PARN: variants seen among roughly 807,000 people sequenced by gnomAD.
PARN encodes the protein poly(A)-specific ribonuclease, also known as poly(A)-specific ribonuclease PARN.
In PARN, 71 loss-of-function variants were observed where a neutral mutation model predicts 102.8. The ratio of observed to expected loss-of-function variants is 0.69; its 90% confidence interval spans 0.57 to 0.84. PARN has a LOEUF of 0.84. Among genes scored for constraint, PARN ranks in the 40% least tolerant of loss-of-function variants. The pLI is 0.00. For missense variants in PARN, 782 were observed against 760.9 expected (o/e 1.03, Z -0.33); for synonymous variants, 261 against 252.9 (o/e 1.03, Z -0.30).
chr16:14,564,280 A>T (rs1482506805), intron 18 of PARN, among the ~76,000 whole-genome samples: 1 of 152,186 alleles, frequency 6.6e-6, no homozygotes, highest in Non-Finnish European at 1.5e-5. Flanking sequence ...TCCCAGAAAC[A>T]TTTTTTTATA....
intron 18 of PARN, among the ~76,000 whole-genome samples, chr16:14,575,903 G>A (rs1276702760): frequency 6.6e-6 from 1 of 152,166 alleles, no homozygotes; most frequent in Non-Finnish European, 1.5e-5. Flanking sequence ...GGTCTTTCCT[G>A]CACTGTTCTC....
chr16:14,540,106 G>A (rs913536835), intron 21 of PARN, among the ~76,000 whole-genome samples: 1 of 152,104 alleles, frequency 6.6e-6, no homozygotes, highest in Non-Finnish European at 1.5e-5. Context: ...GATACCAAGG[G>A]ACAACTGAAC....
At chr16:14,480,103 C>A (rs1335592897) in intron 22 of PARN, among the ~76,000 whole-genome samples, 3 of 151,982 alleles carry the variant, frequency 2.0e-5, no homozygotes, top group Non-Finnish European at 2.9e-5. Flanking sequence ...GAGGCCGAGG[C>A]TGCCGGATCA....
chr16:14,466,449 T>C (rs1962360700), intron 22 of PARN, among the ~76,000 whole-genome samples: 1 of 152,218 alleles, frequency 6.6e-6, no homozygotes, highest in Admixed American at 6.5e-5. Flanking sequence ...TCAGCTCTGT[T>C]ACGATTTGGC....
At chr16:14,619,868 G>A (rs1284951954) in intron 5 of PARN, among the ~76,000 whole-genome samples, 8 of 151,256 alleles carry the variant, frequency 5.3e-5, no homozygotes, top group African/African-American at 1.2e-4. Flanking sequence ...TCAGGAGTTC[G>A]AGACCCGCCT....
intron 18 of PARN, among the ~76,000 whole-genome samples, chr16:14,573,574 G>A (rs889571414): frequency 1.1e-4 from 17 of 152,122 alleles, no homozygotes; most frequent in African/African-American, 4.1e-4. Flanking sequence ...TTATAACCTC[G>A]ACGGAAGATG....
At chr16:14,458,023 C>T (rs761443565) in intron 22 of PARN, among the ~76,000 whole-genome samples, 6 of 151,200 alleles carry the variant, frequency 4.0e-5, no homozygotes, top group Non-Finnish European at 5.9e-5. Flanking sequence ...CTTGTGAATA[C>T]GAGGCTTAAG....
At chr16:14,606,659 G>A in intron 9 of PARN, 133 bp from the exon 10 acceptor site, 2 of 495,650 alleles carry the variant, frequency 4.0e-6, no homozygotes, top group East Asian at 3.2e-5. Context: ...CTACAATGGA[G>A]ACTTTACAGC....
chr16:14,446,870 G>A lies in PARN; in HGVS notation c.1864+18C>T, dbSNP rs779724435. The stretch of plus-strand genomic sequence containing the variant: ...AATAGTCCACGGCCCCAGAACTTCG[G>A]CAAGATCCAATACAAACCTGCTGGA... On this transcript the variant is annotated intron_variant, in intron 23 of 23. Coordinates refer to ENST00000437198, the MANE Select transcript of PARN (RefSeq NM_002582.4). 2 of 1,589,992 alleles carry A rather than the reference G, an allele frequency of 1.3e-6. No homozygotes were observed. Among genetic ancestry groups the A allele is most frequent in the East Asian group, 2.3e-5 (1 of 44,384 alleles).
In PARN at chr16:14,627,219, G is replaced by A. The variant is rs747849113; in HGVS notation, c.246-32C>T. 5.1e-6 allele frequency: 8 copies of A among 1,562,870 alleles called. No homozygotes were observed. The South Asian group carries it at 9.1e-5, about 18-fold the overall frequency. On this transcript the variant is annotated intron_variant, in intron 4 of 23. Transcript: ENST00000437198. Reference sequence around the variant, plus strand: ...TAAGATAAAAGGAGACTTAGGAGGTGACATTGTGCCACAAAAACGGAATTC... The same window carrying A: ...TAAGATAAAAGGAGACTTAGGAGGTAACATTGTGCCACAAAAACGGAATTC...
Position 14,584,437 on chromosome 16 carries a change from G to A in PARN, c.1006-15C>T, listed in dbSNP as rs775075978. 1.2e-6 allele frequency: 2 copies of A among 1,604,662 alleles called. No homozygotes were observed. The highest frequency in any genetic ancestry group is 1.7e-5 in the Admixed American group (1 of 59,844). The stretch of plus-strand genomic sequence containing the variant: ...TTAATGATATCCTGCAAACCACGAA[G>A]CAAAGAATTATGAGATTTCATCATC... On this transcript the variant is annotated splice_polypyrimidine_tract_variant and intron_variant, in intron 15 of 23. Transcript: ENST00000437198.
intron 18 of PARN, among the ~76,000 whole-genome samples, chr16:14,574,988 AGGCCTT>A (rs918869285): frequency 3.9e-5 from 6 of 152,204 alleles, no homozygotes; most frequent in Admixed American, 6.5e-5. Flanking sequence ...TGGAAGCCCT[AGGCCTT>A]GGCAACTTCC....
intron 21 of PARN, among the ~76,000 whole-genome samples, chr16:14,518,213 A>C (rs1004083575): frequency 2.4e-4 from 35 of 147,438 alleles, no homozygotes; most frequent in African/African-American, 8.7e-4. Context: ...TACTTCATAT[A>C]CCCAGGAGGT....
At chr16:14,459,483 G>T (rs891093684) in intron 22 of PARN, among the ~76,000 whole-genome samples, 1 of 152,192 alleles carries the variant, frequency 6.6e-6, no homozygotes, top group Non-Finnish European at 1.5e-5. Flanking sequence ...TTTGCATGCT[G>T]AAAACTATAA....
At chr16:14,537,559 A>G (rs1201712467) in intron 21 of PARN, among the ~76,000 whole-genome samples, 15 of 152,234 alleles carry the variant, frequency 9.9e-5, no homozygotes, top group Non-Finnish European at 1.5e-5. Flanking sequence ...ATGAGTGGAT[A>G]AAGAAAATGT....
intron 22 of PARN, among the ~76,000 whole-genome samples, chr16:14,464,190 G>A (rs1596458091): frequency 6.6e-6 from 1 of 152,050 alleles, no homozygotes. Context: ...AATCCAAGAA[G>A]CTCAGTAAAT....
chr16:14,609,667 C>T (rs1388969584), intron 7 of PARN, among the ~76,000 whole-genome samples: 1 of 152,202 alleles, frequency 6.6e-6, no homozygotes, highest in Non-Finnish European at 1.5e-5. Flanking sequence ...TTCTCAAGGA[C>T]TCGTCAATAC....
chr16:14,617,933 C>T (rs1040101227), intron 5 of PARN, among the ~76,000 whole-genome samples: 5 of 152,162 alleles, frequency 3.3e-5, no homozygotes, highest in Admixed American at 6.5e-5. Context: ...TCTCAAACTT[C>T]CGGACTCAAG....
chr16:14,585,722 G>C (rs1969813238), intron 14 of PARN, among the ~76,000 whole-genome samples: 2 of 152,154 alleles, frequency 1.3e-5, no homozygotes, highest in African/African-American at 4.8e-5. Flanking sequence ...CTACATGCAA[G>C]ACAGACAAGA....
Sources: allele counts gnomAD v4.1 joint callset (sites outside exome capture counted in the v4.1 genomes callset), GRCh38; gene constraint gnomAD v4.1.1; transcripts MANE v1.5; gene names NCBI Gene and HGNC (gene_info 2026-07-23, HGNC 2026-07-21).